Variants in EPB41L2 observed in about 807,000 individuals in gnomAD.
EPB41L2 encodes the protein erythrocyte membrane protein band 4.1 like 2.
A neutral mutation model predicts 113.0 loss-of-function variants in EPB41L2; 43 were observed. The ratio of observed to expected loss-of-function variants is 0.38; its 90% CI spans 0.30 to 0.49. The LOEUF is 0.49. Ranked by LOEUF, EPB41L2 falls within the 20% of genes least tolerant of loss-of-function variation. EPB41L2 has a pLI of 0.95. For missense variants in EPB41L2, 1,147 were observed against 1,223.4 expected (o/e 0.94, Z 0.93); for synonymous variants, 442 against 436.7 (o/e 1.01, Z -0.15).
At chr6:130,989,643 T>C (rs1053626719) in intron 1 of EPB41L2, among the ~76,000 whole-genome samples, 1 of 152,240 alleles carries the variant, frequency 6.6e-6, no homozygotes, top group Admixed American at 6.5e-5. Context: ...AACCTTCTGC[T>C]TCTCTAGAGA....
intron 4 of EPB41L2, 75 bp from the exon 5 acceptor site, chr6:130,908,938 T>C (rs1798508298): frequency 8.4e-7 from 1 of 1,183,542 alleles, no homozygotes; most frequent in African/African-American, 1.5e-5. Flanking sequence ...GTTCACATAA[T>C]TATTTAAGTG....
intron 8 of EPB41L2, among the ~76,000 whole-genome samples, chr6:130,899,222 A>C (rs543566737): frequency 6.6e-6 from 1 of 152,114 alleles, no homozygotes; most frequent in Non-Finnish European, 1.5e-5. Context: ...CGGTGAAAAA[A>C]AAAAGGCTGA....
rs2128546970 is a variant in EPB41L2, at chr6:130,923,922, G to C, written c.810+2683C>G. Reference sequence around the variant, plus strand: ...AACTACATTCTCATTGTCCAACAGAGCTCTAGAACTTTTACATCTTGCAAA... The same window carrying C: ...AACTACATTCTCATTGTCCAACAGACCTCTAGAACTTTTACATCTTGCAAA... On this transcript the variant is annotated intron_variant, in intron 4 of 19. Coordinates refer to ENST00000337057, the MANE Select transcript of EPB41L2 (RefSeq NM_001431.4). 2.6e-5 allele frequency among the ~76,000 whole-genome samples: 4 copies of C among 152,166 alleles called. No homozygotes were observed. In the South Asian group the frequency reaches 8.3e-4, roughly 32 times the overall value.
At chr6:131,029,337 T>G (rs923051508) in intron 1 of EPB41L2, among the ~76,000 whole-genome samples, 1 of 150,092 alleles carries the variant, frequency 6.7e-6, no homozygotes, top group Non-Finnish European at 1.5e-5. Context: ...CATAACAGTT[T>G]AGGGTTTTGC....
At chr6:131,060,251 C>A (rs1351661373) in intron 1 of EPB41L2, among the ~76,000 whole-genome samples, 1 of 152,134 alleles carries the variant, frequency 6.6e-6, no homozygotes, top group East Asian at 1.9e-4. Flanking sequence ...AAAATATAAA[C>A]CCTATATTCC....
chr6:131,023,422 C>T (rs979147361), intron 1 of EPB41L2, among the ~76,000 whole-genome samples: 2 of 152,232 alleles, frequency 1.3e-5, no homozygotes, highest in South Asian at 2.1e-4. Context: ...CGGTGGCTCA[C>T]GCCTGTAATC....
At chr6:131,002,211 T>G (rs982202394) in intron 1 of EPB41L2, among the ~76,000 whole-genome samples, 2 of 152,138 alleles carry the variant, frequency 1.3e-5, no homozygotes, top group African/African-American at 4.8e-5. Flanking sequence ...AGCACAACTA[T>G]AAACTCACAC....
intron 4 of EPB41L2, among the ~76,000 whole-genome samples, chr6:130,925,690 A>G (rs1804493905): frequency 6.6e-6 from 1 of 152,180 alleles, no homozygotes; most frequent in African/African-American, 2.4e-5. Context: ...TAGGACAAAC[A>G]GAAGAGCACA....
At chr6:131,056,904 G>T (rs1797705557) in intron 1 of EPB41L2, among the ~76,000 whole-genome samples, 1 of 152,112 alleles carries the variant, frequency 6.6e-6, no homozygotes, top group Non-Finnish European at 1.5e-5. Context: ...CATTCATTAA[G>T]TTCACAGGTA....
At position 131,020,833 on chromosome 6, in the gene EPB41L2, A is replaced by G. The variant is rs1455827902; in HGVS notation, c.-15+42322T>C. ...GAGACAGAGTCTTGTTCTGTCACCC[A>G]GGCTGGAATGCAGTAGCATGATTAT... is the stretch of plus-strand genomic sequence containing the variant. On this transcript the variant is annotated intron_variant, in intron 1 of 19. Coordinates refer to ENST00000337057, the MANE Select transcript of EPB41L2 (RefSeq NM_001431.4). Among the ~76,000 whole-genome samples, 4 of 152,316 alleles carry G rather than the reference A, an allele frequency of 2.6e-5. No homozygotes were observed. The East Asian group carries it at 7.7e-4, about 29-fold the overall frequency.
rs745895460 is a variant in EPB41L2 at position 130,876,762 on chromosome 6, T to C, written c.2043+1342A>G. On this transcript the variant is annotated intron_variant, in intron 14 of 19. Coordinates refer to ENST00000337057, the MANE Select transcript of EPB41L2 (RefSeq NM_001431.4). ...CACGGATAAAATATCCTTGAAAAGA[T>C]GGTCTCCTTTTCTCTATTGTTTTAA... 149 of 1,303,558 alleles carry C rather than the reference T, an allele frequency of 1.1e-4. 1 individual carries two copies. In the Middle Eastern group the frequency reaches 2.1e-3, roughly 19 times the overall value. 80.7% of individuals were successfully genotyped at this position (1,303,558 alleles called of 1,614,324 possible).
intron 1 of EPB41L2, chr6:131,015,380 A>G (rs1401573916): frequency 6.6e-6 from 1 of 152,226 alleles, no homozygotes; most frequent in Non-Finnish European, 1.5e-5. Context: ...TCTTGAGTTA[A>G]TGGTCCACAT....
intron 1 of EPB41L2, chr6:131,013,983 T>C (rs1210181496): frequency 6.6e-6 from 1 of 152,062 alleles, no homozygotes; most frequent in Admixed American, 6.6e-5. Flanking sequence ...GTGAAGCTAT[T>C]TCCTGATGCT....
At chr6:131,043,163 T>C (rs1794770117) in intron 1 of EPB41L2, among the ~76,000 whole-genome samples, 1 of 151,980 alleles carries the variant, frequency 6.6e-6, no homozygotes, top group African/African-American at 2.4e-5. Flanking sequence ...TAGCTGGGTG[T>C]AGTGGCACAC....
intron 4 of EPB41L2, among the ~76,000 whole-genome samples, chr6:130,909,354 C>T (rs1449424214): frequency 1.3e-5 from 2 of 152,200 alleles, no homozygotes; most frequent in Non-Finnish European, 2.9e-5. Context: ...TTAATCCTCC[C>T]TTTCCCTCCA....
intron 11 of EPB41L2, among the ~76,000 whole-genome samples, chr6:130,885,908 C>T (rs1029875976): frequency 6.6e-6 from 1 of 152,144 alleles, no homozygotes; most frequent in African/African-American, 2.4e-5. Flanking sequence ...TCCCAGAAAA[C>T]CTGGCCCTCA....
chr6:130,914,393 C>A (rs111971285), intron 4 of EPB41L2, among the ~76,000 whole-genome samples: 8 of 152,100 alleles, frequency 5.3e-5, no homozygotes, highest in Non-Finnish European at 7.4e-5. Flanking sequence ...GTTAATAAAT[C>A]AGACTTTCGG....
At chr6:130,977,351 GATT>G (rs10617419) in intron 1 of EPB41L2, among the ~76,000 whole-genome samples, 70,243 of 151,696 alleles carry the variant, frequency 0.46, 17,912 homozygotes, top group East Asian at 0.92. Context: ...CCAGCAGTTA[GATT>G]ATTTACATAG....
intron 4 of EPB41L2, among the ~76,000 whole-genome samples, chr6:130,912,205 C>G (rs544291102): frequency 2.0e-5 from 3 of 152,168 alleles, no homozygotes; most frequent in Non-Finnish European, 4.4e-5. Flanking sequence ...TCCACAAAAC[C>G]GGTCCCTGTT....
Sources: gnomAD v4.1 joint callset for allele counts (sites outside exome capture counted in the v4.1 genomes callset) on GRCh38, gnomAD v4.1.1 for gene constraint, MANE v1.5 for transcripts, NCBI Gene and HGNC (gene_info 2026-07-23, HGNC 2026-07-21) for gene names.